The following PEMT variants were observed in gnomAD, a reference collection of about 807,000 sequenced individuals.
PEMT encodes phosphatidylethanolamine N-methyltransferase, also known as phospholipid methyltransferase.
PEMT carries 23 observed loss-of-function variants against 27.4 expected under a neutral mutation model. That is an observed-to-expected ratio of 0.84 (90% CI 0.60 to 1.19). The LOEUF (loss-of-function observed/expected upper bound fraction) is 1.19, where lower values mean the gene tolerates loss of function less well. PEMT is among the 50% of genes most tolerant of loss of function. PEMT has a pLI of 0.00. For missense variants in PEMT, 307 were observed against 310.1 expected, an observed-to-expected ratio of 0.99 and a Z score of 0.07; for synonymous variants, 137 against 139.1, an observed-to-expected ratio of 0.98 and a Z score of 0.11.
intron 2 of PEMT, among the ~76,000 whole-genome samples, chr17:17,555,797 C>T (rs181277474): frequency 2.8e-4 from 42 of 152,310 alleles, no homozygotes; most frequent in Admixed American, 2.7e-3. Context: ...GGGCGGAAGC[C>T]ACCTGTTTTT....
rs1336362239 is a variant in PEMT at position 17,561,987 on chromosome 17, C to T, written c.204+14933G>A. Among the ~76,000 whole-genome samples the T allele has an allele frequency of 6.6e-6, 1 of 152,200 alleles. No homozygotes were observed. The highest frequency in any genetic ancestry group is 1.9e-4 in the East Asian group (1 of 5,190). On this transcript the variant is annotated intron_variant, in intron 2 of 6. Coordinates refer to ENST00000255389, the MANE Select transcript of PEMT (RefSeq NM_148172.3). The surrounding 1 kb of genome is among the most constrained non-coding windows in gnomAD (Gnocchi z 4.5). ...GCTCCGGTGGGAGGGGCCTCAGGAC[C>T]GGATCTGGGCCGGATCCACGAGAGG...
At chr17:17,578,835 G>A (rs2142749428) in intron 1 of PEMT, 1 of 152,112 alleles carries the variant, frequency 6.6e-6, no homozygotes, top group East Asian at 1.9e-4. Flanking sequence ...TAGATGATGG[G>A]TTGATGGATG....
intron 2 of PEMT, among the ~76,000 whole-genome samples, chr17:17,553,609 C>T (rs1288227075): frequency 6.6e-6 from 1 of 152,212 alleles, no homozygotes; most frequent in Admixed American, 6.5e-5. Context: ...CCGCGTCCAC[C>T]CAATGGCCAG....
chr17:17,526,668 G>A (rs1238609139), intron 2 of PEMT, among the ~76,000 whole-genome samples: 1 of 152,158 alleles, frequency 6.6e-6, no homozygotes, highest in Non-Finnish European at 1.5e-5. Context: ...TGGCAGCTCC[G>A]GCCTCTGTCT....
In PEMT at chr17:17,522,289, C is replaced by T. The variant is rs775153502; in HGVS notation, c.311G>A (p.Arg104His). The change falls in exon 3 of 7, where the codon CGC becomes CAC. Residue 104 changes from arginine (R) to histidine (H), a missense_variant. By Grantham distance (29) the Arg-to-His change is conservative. Transcript: ENST00000255389. The stretch of plus-strand genomic sequence containing the variant: ...AGAGAGCTGTGCTTACCAGTGCGAG[C>T]GCAGGAAGTTCAGGAGCAGGATGGT... ...SVTILLLNFL[R>H]SHCFTQAMLS... The T allele has an allele frequency of 7.4e-6, 12 of 1,611,452 alleles. No homozygotes were observed. Among genetic ancestry groups the T allele is most frequent in the East Asian group, 6.7e-5 (3 of 44,862 alleles).
chr17:17,514,571 A>C (rs1906666880), intron 3 of PEMT, among the ~76,000 whole-genome samples: 1 of 152,160 alleles, frequency 6.6e-6, no homozygotes, highest in Non-Finnish European at 1.5e-5. Context: ...CCATACCCCC[A>C]GCTCTCCACC....
At chr17:17,574,315 CTTTT>C (rs551467639) in intron 2 of PEMT, among the ~76,000 whole-genome samples, 1 of 110,702 alleles carries the variant, frequency 9.0e-6, no homozygotes, top group African/African-American at 3.6e-5. Flanking sequence ...CTTACTGCAT[CTTTT>C]TTTTTTTTTT....
At chr17:17,518,858 G>A (rs1270979357) in intron 3 of PEMT, among the ~76,000 whole-genome samples, 1 of 152,168 alleles carries the variant, frequency 6.6e-6, no homozygotes, top group Non-Finnish European at 1.5e-5. Context: ...CTGGGGGGCG[G>A]GAGATGACTG....
chr17:17,520,409 A>C (rs1907176258), intron 3 of PEMT, among the ~76,000 whole-genome samples: 1 of 152,212 alleles, frequency 6.6e-6, no homozygotes, highest in Admixed American at 6.5e-5. Flanking sequence ...GCTGAGCTGG[A>C]AGCTGCCTGT....
chr17:17,559,547 G>A (rs946987276), intron 2 of PEMT, among the ~76,000 whole-genome samples: 4 of 152,218 alleles, frequency 2.6e-5, no homozygotes, highest in Admixed American at 6.5e-5. Flanking sequence ...TCCTTGAAAC[G>A]GGCCTGTGAG....
Position 17,512,494 on chromosome 17 carries a change from C to T in PEMT, c.466+15G>A. The T allele has an allele frequency of 6.4e-7, 1 of 1,568,314 alleles. No individual in the cohort carries two copies. Among genetic ancestry groups the T allele is most frequent in the Non-Finnish European group, 8.7e-7 (1 of 1,154,258 alleles). On this transcript the variant is annotated intron_variant, in intron 4 of 6. Coordinates refer to ENST00000255389, the MANE Select transcript of PEMT (RefSeq NM_148172.3). The surrounding 1 kb of genome is among the most constrained non-coding windows in gnomAD (Gnocchi z 6.3). The stretch of plus-strand genomic sequence containing the variant: ...GCGGTCCTGCTCAGGGTCACCCCAG[C>T]CCTCAGGGTCTTACCTAGGAAAGTT...
intron 4 of PEMT, 88 bp from the exon 5 acceptor site, chr17:17,509,633 G>A (rs1015597246): frequency 2.5e-5 from 22 of 894,444 alleles, no homozygotes; most frequent in African/African-American, 9.9e-5. Flanking sequence ...GGGCTGTGGC[G>A]AGACCTGCAG....
At chr17:17,536,538 G>T (rs768674185) in intron 2 of PEMT, among the ~76,000 whole-genome samples, 2 of 152,194 alleles carry the variant, frequency 1.3e-5, no homozygotes, top group Non-Finnish European at 2.9e-5. Context: ...GAGCCCCAGG[G>T]TTGCTTGTTA....
At chr17:17,550,483 C>G (rs746007339) in intron 2 of PEMT, among the ~76,000 whole-genome samples, 9 of 152,176 alleles carry the variant, frequency 5.9e-5, no homozygotes, top group South Asian at 2.1e-4. Context: ...CCCTTCCCCC[C>G]ACTCCCCGCA....
At chr17:17,547,924 G>A (rs995097985) in intron 2 of PEMT, among the ~76,000 whole-genome samples, 1 of 152,244 alleles carries the variant, frequency 6.6e-6, no homozygotes, top group Non-Finnish European at 1.5e-5. Context: ...GGAGAAGCCA[G>A]AAGGAAGGAG....
At chr17:17,554,546 C>T (rs549898572) in intron 2 of PEMT, among the ~76,000 whole-genome samples, 8 of 152,342 alleles carry the variant, frequency 5.3e-5, no homozygotes, top group Admixed American at 3.9e-4. Context: ...GCAACGGAGC[C>T]GCTTCCCTGC....
At chr17:17,590,248 C>G (rs1361436809) in intron 1 of PEMT, among the ~76,000 whole-genome samples, 1 of 152,224 alleles carries the variant, frequency 6.6e-6, no homozygotes, top group Admixed American at 6.5e-5. Context: ...AAGTAATAGT[C>G]TTCTTCCTGT....
chr17:17,563,704 C>G (rs1000588775), intron 2 of PEMT, among the ~76,000 whole-genome samples: 5 of 152,214 alleles, frequency 3.3e-5, no homozygotes, highest in Non-Finnish European at 7.3e-5. Flanking sequence ...GCCCGGCTGT[C>G]CACACCAAGC....
intron 2 of PEMT, among the ~76,000 whole-genome samples, chr17:17,554,235 C>T (rs1291400415): frequency 6.6e-6 from 1 of 152,232 alleles, no homozygotes; most frequent in Non-Finnish European, 1.5e-5. Flanking sequence ...GACCCGGCCC[C>T]CTCCCCTCAG....
Sources: allele counts gnomAD v4.1 joint callset (sites outside exome capture counted in the v4.1 genomes callset), GRCh38; gene constraint gnomAD v4.1.1; non-coding constraint Gnocchi (gnomAD v3.1); transcripts MANE v1.5; gene names NCBI Gene and HGNC (gene_info 2026-07-23, HGNC 2026-07-21).